Variants in NFIB observed in about 807,000 individuals in gnomAD.
NFIB encodes the protein nuclear factor 1 B-type.
In NFIB, 11 loss-of-function variants were observed where a neutral mutation model predicts 61.5. That is an observed-to-expected ratio of 0.18 (90% CI 0.11 to 0.30). The LOEUF is 0.30. NFIB is among the 10% of genes least tolerant of loss of function. The probability of loss-of-function intolerance (pLI) is 1.00; values close to 1 mark genes in which losing one functional copy is unlikely to be tolerated. For synonymous variants in NFIB, 260 were observed against 216.5 expected, an observed-to-expected ratio of 1.20 and a Z score of -1.76; for missense variants, 471 against 608.9, an observed-to-expected ratio of 0.77 and a Z score of 2.38.
the NFIB span, among the ~76,000 whole-genome samples, chr9:14,454,412 G>C: frequency 1.1e-4 from 16 of 152,222 alleles, no homozygotes; most frequent in Non-Finnish European, 1.8e-4. Context: ...ATGACATCAA[G>C]TTATTCAAAG....
chr9:14,349,098 T>C (rs1241278416), intron 1 of NFIB, among the ~76,000 whole-genome samples: 2 of 152,248 alleles, frequency 1.3e-5, no homozygotes, highest in Non-Finnish European at 2.9e-5. Flanking sequence ...GAAATCACTC[T>C]CTGCTCTTGC....
At chr9:14,115,239 C>A (rs1418974377) in intron 9 of NFIB, among the ~76,000 whole-genome samples, 1 of 151,308 alleles carries the variant, frequency 6.6e-6, no homozygotes, top group East Asian at 1.9e-4. Context: ...CTCTGATTGT[C>A]TCTGATTCAC....
At chr9:14,191,266 T>A (rs2047920906) in intron 2 of NFIB, among the ~76,000 whole-genome samples, 1 of 152,130 alleles carries the variant, frequency 6.6e-6, no homozygotes, top group African/African-American at 2.4e-5. Context: ...AGGTTGAGGC[T>A]GCAGTGAGCT....
At chr9:14,244,377 T>C (rs10810120) in intron 2 of NFIB, among the ~76,000 whole-genome samples, 38,156 of 152,156 alleles carry the variant, frequency 0.25, 6,694 homozygotes, top group East Asian at 0.69. Context: ...GTCAGATATA[T>C]TGGAGTCACT....
intron 2 of NFIB, among the ~76,000 whole-genome samples, chr9:14,203,783 A>C (rs1335200431): frequency 6.6e-6 from 1 of 152,194 alleles, no homozygotes; most frequent in Admixed American, 6.5e-5. Context: ...TGCTTGAAAA[A>C]CTAACTACAA....
the NFIB span, among the ~76,000 whole-genome samples, chr9:14,436,348 G>C: frequency 3.9e-5 from 6 of 152,320 alleles, no homozygotes; most frequent in South Asian, 8.3e-4. Context: ...TCTCAGCTTG[G>C]AGAACTCTGT....
chr9:14,333,097 T>C (rs1564013829), intron 1 of NFIB, among the ~76,000 whole-genome samples: 2 of 152,178 alleles, frequency 1.3e-5, no homozygotes, highest in African/African-American at 2.4e-5. Flanking sequence ...TGGAACCACC[T>C]TGGTCTCTCC....
chr9:14,130,516 T>C (rs2040273956), intron 6 of NFIB, among the ~76,000 whole-genome samples: 1 of 152,190 alleles, frequency 6.6e-6, no homozygotes, highest in Non-Finnish European at 1.5e-5. Flanking sequence ...ATCTTTTGTT[T>C]GTATCTTATA....
At chr9:14,488,458 G>A in the NFIB span, among the ~76,000 whole-genome samples, 1 of 152,164 alleles carries the variant, frequency 6.6e-6, no homozygotes, top group African/African-American at 2.4e-5. Flanking sequence ...CCTGGGATGG[G>A]CACTACAAAT....
In NFIB at chr9:14,306,964, A is replaced by G. The variant is rs760367317; in HGVS notation, c.562+25T>C. The G allele has an allele frequency of 5.4e-5, 87 of 1,610,050 alleles. No homozygotes were observed. In the Admixed American group the frequency reaches 1.5e-3, roughly 27 times the overall value. Reference sequence around the variant, plus strand: ...ATTTGTAGGCGGTGTTTGCCGTGCTAGAAAAAAGAACAATCTGCTCCTACC... The same window carrying G: ...ATTTGTAGGCGGTGTTTGCCGTGCTGGAAAAAAGAACAATCTGCTCCTACC... On this transcript the variant is annotated intron_variant, in intron 2 of 10. Transcript: ENST00000380953.
At chr9:14,466,636 G>A in the NFIB span, among the ~76,000 whole-genome samples, 1 of 152,178 alleles carries the variant, frequency 6.6e-6, no homozygotes, top group Non-Finnish European at 1.5e-5. Flanking sequence ...AGTCCTACCA[G>A]CAAGGGGCCT....
chr9:14,492,363 A>AAAAT, the NFIB span, among the ~76,000 whole-genome samples: 16,772 of 148,018 alleles, frequency 0.11, 1,035 homozygotes, highest in South Asian at 0.24. Context: ...ACTTTGCCTC[A>AAAAT]AAATAAATAA....
intron 1 of NFIB, among the ~76,000 whole-genome samples, chr9:14,371,315 T>C (rs1266562503): frequency 6.6e-6 from 1 of 152,220 alleles, no homozygotes; most frequent in Non-Finnish European, 1.5e-5. Context: ...TATAAAGAAC[T>C]GTAATACTAA....
intron 6 of NFIB, among the ~76,000 whole-genome samples, chr9:14,133,810 G>A (rs958082547): frequency 1.3e-5 from 2 of 152,138 alleles, no homozygotes; most frequent in Admixed American, 6.5e-5. Flanking sequence ...AAAGCTTTGA[G>A]GTATTTATTT....
chr9:14,258,765 G>A (rs73415784), intron 2 of NFIB, among the ~76,000 whole-genome samples: 3,611 of 152,254 alleles, frequency 0.024, 144 homozygotes, highest in African/African-American at 0.081. Context: ...TAGTAAGGAT[G>A]TCATTCCTTT....
chr9:14,375,541 C>A (rs1161973357), intron 1 of NFIB, among the ~76,000 whole-genome samples: 4 of 152,062 alleles, frequency 2.6e-5, no homozygotes, highest in African/African-American at 9.7e-5. Flanking sequence ...ACCTGCAATC[C>A]CAGCGACTTG....
chr9:14,202,318 T>C (rs1237715421), intron 2 of NFIB, among the ~76,000 whole-genome samples: 1 of 152,206 alleles, frequency 6.6e-6, no homozygotes, highest in Non-Finnish European at 1.5e-5. Flanking sequence ...TATTGCAGCA[T>C]GAAATAATGA....
intron 9 of NFIB, among the ~76,000 whole-genome samples, 198 bp from the exon 10 acceptor site, chr9:14,113,279 C>T (rs1587295606): frequency 6.6e-6 from 1 of 152,058 alleles, no homozygotes; most frequent in East Asian, 1.9e-4. Context: ...CTAGTTTATT[C>T]CCCCTAAAAA....
intron 2 of NFIB, among the ~76,000 whole-genome samples, chr9:14,221,531 A>T (rs888330108): frequency 6.6e-6 from 1 of 152,232 alleles, no homozygotes; most frequent in African/African-American, 2.4e-5. Context: ...GCTCAAGTAT[A>T]TAAGACCCCA....
Sources: gnomAD v4.1 joint callset for allele counts (sites outside exome capture counted in the v4.1 genomes callset) on GRCh38, gnomAD v4.1.1 for gene constraint, MANE v1.5 for transcripts, NCBI Gene and HGNC (gene_info 2026-07-23, HGNC 2026-07-21) for gene names.